Variants in EPHA3 observed in about 807,000 individuals in gnomAD.
EPHA3 encodes the protein EPH receptor A3.
In EPHA3, 42 loss-of-function variants were observed where a neutral mutation model predicts 107.1. The observed-to-expected ratio is 0.39, with a 90% CI of 0.31 to 0.51. The LOEUF is 0.51. Ranked by LOEUF, EPHA3 falls within the 20% of genes least tolerant of loss-of-function variation. The probability of loss-of-function intolerance (pLI) is 0.78; values close to 1 mark genes in which losing one functional copy is unlikely to be tolerated. For synonymous variants in EPHA3, 461 were observed against 424.8 expected (o/e 1.09, Z -1.05); for missense variants, 1,183 against 1,211.2 (o/e 0.98, Z 0.35).
intron 2 of EPHA3, among the ~76,000 whole-genome samples, chr3:89,185,799 C>T (rs1024107962): frequency 1.3e-5 from 2 of 151,934 alleles, no homozygotes; most frequent in African/African-American, 4.8e-5. Flanking sequence ...TTCTATTATA[C>T]CCAGGGGTGT....
chr3:89,390,677 C>T (rs1708709096), intron 5 of EPHA3, among the ~76,000 whole-genome samples: 1 of 151,388 alleles, frequency 6.6e-6, no homozygotes, highest in Admixed American at 6.6e-5. Context: ...GTTGCTGATT[C>T]AAGAGGCTGT....
chr3:89,378,011 A>G (rs1256302755), intron 5 of EPHA3, among the ~76,000 whole-genome samples: 2 of 152,242 alleles, frequency 1.3e-5, no homozygotes, highest in East Asian at 3.9e-4. Context: ...TATTGGCAAG[A>G]ACAGAAAACC....
intron 2 of EPHA3, among the ~76,000 whole-genome samples, chr3:89,135,769 A>G (rs1372661815): frequency 6.6e-6 from 1 of 151,632 alleles, no homozygotes; most frequent in East Asian, 1.9e-4. Flanking sequence ...ACTGAAAAAA[A>G]AAACTATGTA....
intron 3 of EPHA3, among the ~76,000 whole-genome samples, chr3:89,211,647 ATTCCTC>A (rs984702555): frequency 2.6e-4 from 27 of 104,994 alleles, no homozygotes; most frequent in Admixed American, 1.1e-3. Flanking sequence ...CACAGAATAA[ATTCCTC>A]TTCCTCTTCC....
chr3:89,142,638 A>C (rs1462728676), intron 2 of EPHA3, among the ~76,000 whole-genome samples: 1 of 151,566 alleles, frequency 6.6e-6, no homozygotes, highest in Non-Finnish European at 1.5e-5. Context: ...GGAAATAGAC[A>C]CTTTTGAATT....
intron 1 of EPHA3, among the ~76,000 whole-genome samples, chr3:89,112,900 C>A (rs1261721808): frequency 6.6e-6 from 1 of 151,480 alleles, no homozygotes; most frequent in South Asian, 2.1e-4. Flanking sequence ...TGTCAAGATC[C>A]TCAACTTTAT....
Position 89,359,774 on chromosome 3 carries a change from T to C in EPHA3, c.1306+17684T>C, listed in dbSNP as rs867799579. ...ACATATATACACATATATACACACA[T>C]ATATATACATATATATACATATATA... On this transcript the variant is annotated intron_variant, in intron 5 of 16. Coordinates refer to ENST00000336596, the MANE Select transcript of EPHA3 (RefSeq NM_005233.6). 4.9e-5 allele frequency among the ~76,000 whole-genome samples: 7 copies of C among 142,868 alleles called. No homozygotes were observed. In the East Asian group the frequency reaches 1.2e-3, roughly 24 times the overall value. 93.7% of individuals were successfully genotyped at this position (142,868 alleles called of 152,430 possible).
chr3:89,282,689 G>A (rs1705977984), intron 3 of EPHA3, among the ~76,000 whole-genome samples: 1 of 151,928 alleles, frequency 6.6e-6, no homozygotes, highest in Admixed American at 6.6e-5. Context: ...ACCAATTTGG[G>A]GATTTAAATG....
At chr3:89,417,131 G>A (rs1709264852) in intron 10 of EPHA3, among the ~76,000 whole-genome samples, 1 of 151,396 alleles carries the variant, frequency 6.6e-6, no homozygotes, top group Admixed American at 6.6e-5. Flanking sequence ...ACTGTTTCAA[G>A]TACTTAACAT....
At chr3:89,313,828 T>A (rs1412959003) in intron 3 of EPHA3, among the ~76,000 whole-genome samples, 1 of 151,992 alleles carries the variant, frequency 6.6e-6, no homozygotes, top group Non-Finnish European at 1.5e-5. Context: ...AGCCTCTAAG[T>A]ACTACATATT....
chr3:89,395,861 A>G lies in EPHA3; in HGVS notation c.1331A>G (p.Lys444Arg), dbSNP rs1473800664. Residue 444 changes from lysine (K) to arginine (R), a missense_variant, in exon 6 of 17, where the codon AAG (lysine) becomes AGG (arginine). Lys to Arg is a conservative substitution (Grantham distance 26). Transcript: ENST00000336596. ...QAAPSPVLTI[K>R]KDRTSRNSIS... ...GCTCCATCACCTGTCCTGACGATTA[A>G]GAAAGATCGGACCTCCAGAAATAGC... 4 of 1,614,054 alleles carry G rather than the reference A, an allele frequency of 2.5e-6. No homozygotes were observed. Among genetic ancestry groups the G allele is most frequent in the Non-Finnish European group, 3.4e-6 (4 of 1,179,952 alleles).
chr3:89,345,712 C>T (rs1182273876), intron 5 of EPHA3, among the ~76,000 whole-genome samples: 1 of 145,508 alleles, frequency 6.9e-6, no homozygotes, highest in African/African-American at 2.5e-5. Context: ...GTGCGCTGCA[C>T]CCACTAACTC....
chr3:89,217,323 G>A (rs1022299981), intron 3 of EPHA3, among the ~76,000 whole-genome samples: 3 of 151,842 alleles, frequency 2.0e-5, no homozygotes, highest in Non-Finnish European at 2.9e-5. Context: ...TCCAGTATGC[G>A]GACAAAACAT....
At chr3:89,144,648 A>G (rs1704496662) in intron 2 of EPHA3, among the ~76,000 whole-genome samples, 1 of 151,650 alleles carries the variant, frequency 6.6e-6, no homozygotes, top group Non-Finnish European at 1.5e-5. Flanking sequence ...ATTTCTTGTT[A>G]TTTTTACAAT....
intron 15 of EPHA3, among the ~76,000 whole-genome samples, chr3:89,468,612 G>A (rs1710337374): frequency 6.6e-6 from 1 of 152,132 alleles, no homozygotes; most frequent in Non-Finnish European, 1.5e-5. Context: ...AAACTGTGGC[G>A]TGTGCGCGCG....
At chr3:89,304,843 C>T (rs1306832206) in intron 3 of EPHA3, among the ~76,000 whole-genome samples, 3 of 152,144 alleles carry the variant, frequency 2.0e-5, no homozygotes, top group Non-Finnish European at 4.4e-5. Context: ...CTTTCTTCTA[C>T]TTACTGATTA....
At chr3:89,410,629 A>C (rs927877852) in intron 9 of EPHA3, among the ~76,000 whole-genome samples, 2 of 152,006 alleles carry the variant, frequency 1.3e-5, no homozygotes, top group Non-Finnish European at 2.9e-5. Context: ...GCAAATAAAA[A>C]CTGGAAGATC....
intron 5 of EPHA3, among the ~76,000 whole-genome samples, chr3:89,348,084 GT>G (rs1396821204): frequency 6.7e-6 from 1 of 148,944 alleles, no homozygotes; most frequent in Non-Finnish European, 1.5e-5. Context: ...CTCTTTTTTG[GT>G]TGTATCTCTG....
At chr3:89,468,852 T>A (rs1710342246) in intron 15 of EPHA3, among the ~76,000 whole-genome samples, 1 of 152,184 alleles carries the variant, frequency 6.6e-6, no homozygotes, top group African/African-American at 2.4e-5. Context: ...TTGGTGTATA[T>A]CTGTAATTAC....
Sources: allele counts gnomAD v4.1 joint callset (sites outside exome capture counted in the v4.1 genomes callset), GRCh38; gene constraint gnomAD v4.1.1; transcripts MANE v1.5; gene names NCBI Gene and HGNC (gene_info 2026-07-23, HGNC 2026-07-21).